Variants in COL4A3 observed in about 807,000 individuals in gnomAD.
The protein encoded by COL4A3 is collagen alpha-3(IV) chain.
A neutral mutation model predicts 217.4 loss-of-function variants in COL4A3; 135 were observed. The observed-to-expected ratio is 0.62, with a 90% CI of 0.54 to 0.72. The LOEUF is 0.72. Among genes scored for constraint, COL4A3 ranks in the 30% least tolerant of loss-of-function variants. The pLI, the probability that COL4A3 is intolerant of heterozygous loss-of-function variation, is 0.00. For missense variants in COL4A3, 1,868 were observed against 2,119.9 expected, an observed-to-expected ratio of 0.88 and a Z score of 2.33; for synonymous variants, 690 against 736.3, an observed-to-expected ratio of 0.94 and a Z score of 1.02.
intron 23 of COL4A3, 51 bp downstream of exon 23, chr2:227,267,139 C>A: frequency 7.7e-7 from 1 of 1,300,020 alleles, no homozygotes; most frequent in Non-Finnish European, 1.1e-6. Context: ...AGGGTCAATA[C>A]ACTGGAAGAA....
chr2:227,280,431 A>G lies in COL4A3; in HGVS notation c.2224-9A>G, dbSNP rs754955981. The G allele has an allele frequency of 3.7e-6, 6 of 1,614,038 alleles. No homozygotes were observed. Among genetic ancestry groups the G allele is most frequent in the Non-Finnish European group, 4.2e-6 (5 of 1,179,948 alleles). ...ACTATATAGTAATAACACAATTTCT[A>G]TGCTGTAGGGAGAACCAGCAGTAGC... On this transcript the variant is annotated splice_polypyrimidine_tract_variant and intron_variant, in intron 29 of 51. Transcript: ENST00000396578.
intron 26 of COL4A3, among the ~76,000 whole-genome samples, chr2:227,274,527 C>A (rs2071442007): frequency 1.4e-5 from 2 of 147,216 alleles, no homozygotes; most frequent in African/African-American, 5.0e-5. Flanking sequence ...GAGATGGAAT[C>A]TTGCTCTGTC....
intron 1 of COL4A3, among the ~76,000 whole-genome samples, chr2:227,220,216 A>ACT (rs71036171): frequency 0.79 from 96,908 of 122,600 alleles, 38,543 homozygotes; most frequent in Non-Finnish European, 0.85. Flanking sequence ...ACAGAGTCTC[A>ACT]CTGTCACCCA....
In COL4A3 at chr2:227,191,044, G is replaced by A. The variant is rs2066219950; in HGVS notation, c.87+26231G>A. Among the ~76,000 whole-genome samples, 1 of 151,994 alleles carries A rather than the reference G, an allele frequency of 6.6e-6. No individual in the cohort carries two copies. Among genetic ancestry groups the A allele is most frequent in the African/African-American group, 2.4e-5 (1 of 41,346 alleles). On this transcript the variant is annotated intron_variant, in intron 1 of 51. Coordinates refer to ENST00000396578, the MANE Select transcript of COL4A3 (RefSeq NM_000091.5). The surrounding 1 kb of genome is among the most constrained non-coding windows in gnomAD (Gnocchi z 6.8). Reference sequence around the variant, plus strand: ...GTATAGAATTTTTTAAAAAATAGATGCAAAGGTTATTATATATGAAATTTT... The same window carrying A: ...GTATAGAATTTTTTAAAAAATAGATACAAAGGTTATTATATATGAAATTTT...
chr2:227,235,772 CTTTTTTTT>C (rs201024233), intron 1 of COL4A3, among the ~76,000 whole-genome samples: 14 of 122,426 alleles, frequency 1.1e-4, no homozygotes, highest in East Asian at 7.4e-4. Flanking sequence ...TATTTCATTC[CTTTTTTTT>C]TTTTTTTTTT....
intron 1 of COL4A3, among the ~76,000 whole-genome samples, chr2:227,217,957 C>T (rs2067588048): frequency 6.6e-6 from 1 of 151,588 alleles, no homozygotes; most frequent in Non-Finnish European, 1.5e-5. Flanking sequence ...AAGACACTCT[C>T]AGCATTGCTT....
chr2:227,263,699 A>C, intron 20 of COL4A3, 81 bp from the exon 21 acceptor site: 2 of 1,356,556 alleles, frequency 1.5e-6, no homozygotes, highest in Non-Finnish European at 2.0e-6. Flanking sequence ...AAATAAAATT[A>C]AATCACTCTT....
intron 23 of COL4A3, among the ~76,000 whole-genome samples, chr2:227,268,020 C>G (rs1242237909): frequency 1.3e-5 from 2 of 152,184 alleles, no homozygotes; most frequent in Admixed American, 6.5e-5. Context: ...CTGGGTTCCT[C>G]TGCCCCTCGG....
chr2:227,204,054 T>C (rs1370171465), intron 1 of COL4A3, among the ~76,000 whole-genome samples: 1 of 152,106 alleles, frequency 6.6e-6, no homozygotes, highest in East Asian at 1.9e-4. Context: ...CTTTATAGTA[T>C]GGTGCTGACA....
intron 1 of COL4A3, among the ~76,000 whole-genome samples, chr2:227,227,418 G>A (rs1439051012): frequency 2.0e-5 from 3 of 152,150 alleles, no homozygotes; most frequent in Non-Finnish European, 4.4e-5. Context: ...CCAACATGGT[G>A]AAACCCCATC....
chr2:227,204,520 A>T (rs754101906), intron 1 of COL4A3, among the ~76,000 whole-genome samples: 8 of 152,270 alleles, frequency 5.3e-5, no homozygotes, highest in South Asian at 4.1e-4. Flanking sequence ...ATACGAAGGG[A>T]CCCGTGCAAA....
intron 34 of COL4A3, among the ~76,000 whole-genome samples, chr2:227,286,723 G>C (rs1186159994): frequency 1.3e-5 from 2 of 152,194 alleles, no homozygotes; most frequent in African/African-American, 2.4e-5. Context: ...CTCCATAAAA[G>C]AGGACTTAAA....
At chr2:227,192,749 G>A (rs531310327) in intron 1 of COL4A3, among the ~76,000 whole-genome samples, 1 of 152,268 alleles carries the variant, frequency 6.6e-6, no homozygotes, top group South Asian at 2.1e-4. Context: ...GGGAGTGAGT[G>A]TGAATCATGA....
rs1364711313 is a variant in COL4A3 at position 227,246,678 on chromosome 2, C to G, written c.388-7C>G. ...AAGAATAATAAGAAACTTTGTATGT[C>G]TTTTAGGGTGAGCAGGGGTTTCCAG... is the stretch of plus-strand genomic sequence containing the variant. On this transcript the variant is annotated splice_polypyrimidine_tract_variant and splice_region_variant and intron_variant, in intron 6 of 51. Transcript: ENST00000396578. 1 of 1,609,432 alleles carries G rather than the reference C, an allele frequency of 6.2e-7. No homozygotes were observed. The highest frequency in any genetic ancestry group is 8.5e-7 in the Non-Finnish European group (1 of 1,176,020).
chr2:227,297,010 GTT>G (rs67080924), intron 41 of COL4A3, among the ~76,000 whole-genome samples: 4,211 of 152,264 alleles, frequency 0.028, 189 homozygotes, highest in African/African-American at 0.095. Flanking sequence ...TTTCTTGAAG[GTT>G]TTCTAAGATG....
At chr2:227,196,016 C>G in intron 1 of COL4A3, among the ~76,000 whole-genome samples, 1 of 152,012 alleles carries the variant, frequency 6.6e-6, no homozygotes. Context: ...GTACAGCTAG[C>G]TGTACCATGT....
At chr2:227,233,675 A>G (rs2068531017) in intron 1 of COL4A3, among the ~76,000 whole-genome samples, 1 of 152,236 alleles carries the variant, frequency 6.6e-6, no homozygotes, top group South Asian at 2.1e-4. Context: ...AAGGGACAAT[A>G]TCAAAAAGAA....
chr2:227,220,166 T>TGTGTGTGTGTG (rs528091209), intron 1 of COL4A3, among the ~76,000 whole-genome samples: 4 of 115,112 alleles, frequency 3.5e-5, no homozygotes, highest in African/African-American at 9.6e-5. Context: ...GTGTGTGTGT[T>TGTGTGTGTGTG]TCAGAGACAA....
intron 36 of COL4A3, 29 bp downstream of exon 36, chr2:227,290,117 A>G: frequency 6.3e-7 from 1 of 1,584,392 alleles, no homozygotes; most frequent in South Asian, 1.1e-5. Flanking sequence ...TTATGAGCCC[A>G]CAAGCTCATG....
Sources: allele counts gnomAD v4.1 joint callset (sites outside exome capture counted in the v4.1 genomes callset), GRCh38; gene constraint gnomAD v4.1.1; non-coding constraint Gnocchi (gnomAD v3.1); transcripts MANE v1.5; gene names NCBI Gene and HGNC (gene_info 2026-07-23, HGNC 2026-07-21).